Variants in CYP39A1 observed in about 807,000 individuals in gnomAD.
CYP39A1 encodes 24-hydroxycholesterol 7-alpha-hydroxylase.
CYP39A1 carries 49 observed loss-of-function variants against 58.1 expected under a neutral mutation model. That is an observed-to-expected ratio of 0.84 (90% CI 0.67 to 1.07). CYP39A1 has a LOEUF of 1.07. Ranked by LOEUF, CYP39A1 falls within the 50% of genes least tolerant of loss-of-function variation. The pLI is 0.00. For missense variants in CYP39A1, 531 were observed against 539.4 expected (o/e 0.98, Z 0.16); for synonymous variants, 209 against 187.6 (o/e 1.11, Z -0.93).
intron 10 of CYP39A1, among the ~76,000 whole-genome samples, chr6:46,579,673 A>G (rs780928477): frequency 6.6e-6 from 1 of 152,298 alleles, no homozygotes; most frequent in Non-Finnish European, 1.5e-5. Context: ...AGAATACAAA[A>G]TCAATGTGTA....
At chr6:46,583,088 C>G in intron 10 of CYP39A1, 1 of 985,328 alleles carries the variant, frequency 1.0e-6, no homozygotes, top group Non-Finnish European at 1.2e-6. Context: ...ACATGAAAGA[C>G]CCAAACATAC....
chr6:46,575,695 C>T (rs1771810800), intron 10 of CYP39A1, among the ~76,000 whole-genome samples: 1 of 152,212 alleles, frequency 6.6e-6, no homozygotes, highest in Non-Finnish European at 1.5e-5. Flanking sequence ...TGCCAACAGA[C>T]TGGAAACACC....
At chr6:46,620,098 A>G (rs1291091759) in intron 7 of CYP39A1, among the ~76,000 whole-genome samples, 1 of 152,162 alleles carries the variant, frequency 6.6e-6, no homozygotes. Flanking sequence ...AAGAATGTCT[A>G]TTCAAGAAAA....
At chr6:46,570,661 C>T (rs570911557) in intron 10 of CYP39A1, among the ~76,000 whole-genome samples, 2 of 152,086 alleles carry the variant, frequency 1.3e-5, no homozygotes, top group Non-Finnish European at 2.9e-5. Flanking sequence ...GTGAGGGCCT[C>T]AGGAGGCTTA....
chr6:46,602,369 C>G (rs954209119), intron 7 of CYP39A1, among the ~76,000 whole-genome samples: 6 of 152,124 alleles, frequency 3.9e-5, no homozygotes, highest in Admixed American at 3.9e-4. Flanking sequence ...AAGCATGCAT[C>G]AGCATCACGT....
At chr6:46,613,974 C>T (rs1449519337) in intron 7 of CYP39A1, among the ~76,000 whole-genome samples, 2 of 146,032 alleles carry the variant, frequency 1.4e-5, no homozygotes, top group Admixed American at 1.4e-4. Flanking sequence ...TAAATATGTA[C>T]TCTAAATATT....
chr6:46,552,914 G>T (rs180900927), intron 11 of CYP39A1, among the ~76,000 whole-genome samples: 12 of 152,124 alleles, frequency 7.9e-5, no homozygotes, highest in Non-Finnish European at 1.3e-4. Flanking sequence ...CAGGCATGGT[G>T]GTGTGCGCCT....
rs367982189 is a variant in CYP39A1 at position 46,607,659 on chromosome 6, T to C, written c.932-11539A>G. Among the ~76,000 whole-genome samples the C allele has an allele frequency of 4.1e-4, 62 of 152,252 alleles. 2 individuals are homozygous for C. In the South Asian group the frequency reaches 0.013, roughly 32 times the overall value. ...GCATTTACTAACTCATTCAGACCTT[T>C]GGAAACATAATTTCAAGGAGACTGA... On this transcript the variant is annotated intron_variant, in intron 7 of 11. Coordinates refer to ENST00000275016, the MANE Select transcript of CYP39A1 (RefSeq NM_016593.5).
intron 7 of CYP39A1, among the ~76,000 whole-genome samples, chr6:46,604,035 C>T (rs907149078): frequency 6.6e-6 from 1 of 152,114 alleles, no homozygotes; most frequent in Admixed American, 6.6e-5. Flanking sequence ...TTACAATATG[C>T]TTTCCCTAAG....
chr6:46,638,594 C>G (rs1776140410), intron 3 of CYP39A1, among the ~76,000 whole-genome samples: 1 of 152,128 alleles, frequency 6.6e-6, no homozygotes, highest in Non-Finnish European at 1.5e-5. Context: ...TCATAATTTC[C>G]TCCACCCAAA....
At chr6:46,632,800 C>T (rs1775742088) in intron 5 of CYP39A1, among the ~76,000 whole-genome samples, 1 of 152,104 alleles carries the variant, frequency 6.6e-6, no homozygotes, top group Admixed American at 6.5e-5. Flanking sequence ...AGAGCCCATA[C>T]TCTAAGCCAC....
rs1206573273 is a variant in CYP39A1, at chr6:46,637,826, T to TA, written c.638+2dup. On this transcript the variant is annotated splice_region_variant and intron_variant, in intron 4 of 11. Coordinates refer to ENST00000275016, the MANE Select transcript of CYP39A1 (RefSeq NM_016593.5). ...TGAATTAATTATAGGAAACAACTGT[T>TA]ACCTTAGAAGACACTCTGGCAACTG... The TA allele has an allele frequency of 6.2e-7, 1 of 1,610,092 alleles. No homozygotes were observed. The highest frequency in any genetic ancestry group is 8.5e-7 in the Non-Finnish European group (1 of 1,179,174).
intron 1 of CYP39A1, among the ~76,000 whole-genome samples, chr6:46,646,303 A>T (rs1343657059): frequency 3.3e-5 from 5 of 152,002 alleles, no homozygotes; most frequent in African/African-American, 1.2e-4. Flanking sequence ...TCTATCATGA[A>T]TCCTGATATC....
At chr6:46,588,012 T>C (rs780828775) in intron 9 of CYP39A1, 22 bp downstream of exon 9, 1 of 1,338,556 alleles carries the variant, frequency 7.5e-7, no homozygotes. Context: ...AAGAATAATA[T>C]ATACTGAAAG....
chr6:46,558,720 G>A (rs1194193196), intron 10 of CYP39A1, among the ~76,000 whole-genome samples: 7 of 152,086 alleles, frequency 4.6e-5, no homozygotes, highest in Non-Finnish European at 7.4e-5. Flanking sequence ...ATTGTCGGCC[G>A]GGCACGGTGG....
chr6:46,573,316 T>C, intron 10 of CYP39A1, among the ~76,000 whole-genome samples: 1 of 152,108 alleles, frequency 6.6e-6, no homozygotes, highest in South Asian at 2.1e-4. Flanking sequence ...TACTTTCATT[T>C]GTGGGTGAGT....
chr6:46,580,671 T>A (rs1054902740), intron 10 of CYP39A1, among the ~76,000 whole-genome samples: 2 of 151,586 alleles, frequency 1.3e-5, no homozygotes, highest in Non-Finnish European at 2.9e-5. Context: ...CAACCCCATT[T>A]AAAAAAAATG....
At chr6:46,587,217 T>A in intron 9 of CYP39A1, 52 bp from the exon 10 acceptor site, 1 of 1,171,752 alleles carries the variant, frequency 8.5e-7, no homozygotes, top group Non-Finnish European at 1.3e-6. Context: ...TAAATAAGCT[T>A]AACTTTATTT....
chr6:46,589,141 T>TAAAC (rs1772655445), intron 8 of CYP39A1, among the ~76,000 whole-genome samples: 1 of 152,084 alleles, frequency 6.6e-6, no homozygotes, highest in Non-Finnish European at 1.5e-5. Context: ...ATCCAAAGCA[T>TAAAC]AAACACCTTA....
Sources: allele counts gnomAD v4.1 joint callset (sites outside exome capture counted in the v4.1 genomes callset), GRCh38; gene constraint gnomAD v4.1.1; transcripts MANE v1.5; gene names NCBI Gene and HGNC (gene_info 2026-07-23, HGNC 2026-07-21).